Variants in STPG2 observed in about 807,000 individuals in gnomAD.
The protein encoded by STPG2 is sperm-tail PG-rich repeat-containing protein 2.
Under a neutral mutation model 54.2 loss-of-function variants are expected in STPG2, and 56 were observed. The observed-to-expected ratio is 1.03, with a 90% CI of 0.83 to 1.29. STPG2 has a LOEUF of 1.29. STPG2 is among the 50% of genes most tolerant of loss of function. The pLI, the probability that STPG2 is intolerant of heterozygous loss-of-function variation, is 0.00. For synonymous variants in STPG2, 200 were observed against 181.8 expected, an observed-to-expected ratio of 1.10 and a Z score of -0.81; for missense variants, 596 against 544.9, an observed-to-expected ratio of 1.09 and a Z score of -0.93.
chr4:97,910,939 C>G (rs769312190), intron 8 of STPG2, among the ~76,000 whole-genome samples: 1 of 152,174 alleles, frequency 6.6e-6, no homozygotes, highest in South Asian at 2.1e-4. Context: ...TCTACACCTT[C>G]AACTAAGGTA....
chr4:97,630,044 G>A (rs1721220252), intron 10 of STPG2, among the ~76,000 whole-genome samples: 2 of 151,846 alleles, frequency 1.3e-5, no homozygotes, highest in South Asian at 4.1e-4. Flanking sequence ...CCAGCTGTTA[G>A]GTTTATAATC....
intron 4 of STPG2, among the ~76,000 whole-genome samples, chr4:97,450,560 A>C (rs911244581): frequency 2.6e-5 from 4 of 152,216 alleles, no homozygotes; most frequent in Non-Finnish European, 5.9e-5. Flanking sequence ...GATAGGACTT[A>C]ATCAGGCAAC....
chr4:98,094,811 T>C (rs193034963), intron 5 of STPG2, among the ~76,000 whole-genome samples: 2 of 152,254 alleles, frequency 1.3e-5, no homozygotes, highest in South Asian at 2.1e-4. Context: ...CTTCATATTA[T>C]AGTTTGAGTG....
At chr4:98,026,478 T>C (rs949249016) in intron 5 of STPG2, among the ~76,000 whole-genome samples, 14 of 152,142 alleles carry the variant, frequency 9.2e-5, no homozygotes, top group Admixed American at 2.6e-4. Flanking sequence ...CAGATGGACA[T>C]TGTATGTCAT....
intron 10 of STPG2, among the ~76,000 whole-genome samples, chr4:97,703,017 C>T (rs924859251): frequency 1.3e-5 from 2 of 152,044 alleles, no homozygotes; most frequent in Non-Finnish European, 2.9e-5. Flanking sequence ...TCATCATTTT[C>T]TTTCATTACT....
intron 3 of STPG2, 117 bp downstream of exon 3, chr4:98,128,311 C>A: frequency 1.1e-6 from 1 of 948,966 alleles, no homozygotes; most frequent in East Asian, 2.9e-5. Context: ...ATTAGTGTTC[C>A]ATTAACTAAA....
At chr4:97,612,190 C>A (rs1733747405) in intron 10 of STPG2, among the ~76,000 whole-genome samples, 1 of 150,822 alleles carries the variant, frequency 6.6e-6, no homozygotes, top group African/African-American at 2.4e-5. Flanking sequence ...CATTATTTAT[C>A]CCATAATACC....
At chr4:97,852,229 T>A (rs895545642) in intron 8 of STPG2, among the ~76,000 whole-genome samples, 2 of 152,178 alleles carry the variant, frequency 1.3e-5, no homozygotes, top group Non-Finnish European at 1.5e-5. Flanking sequence ...ACAAGTAGGA[T>A]TCCAATCAAT....
At chr4:97,600,767 A>G (rs942388044) in intron 10 of STPG2, among the ~76,000 whole-genome samples, 1 of 152,146 alleles carries the variant, frequency 6.6e-6, no homozygotes, top group South Asian at 2.1e-4. Context: ...AGTTTTATAT[A>G]GACCGTTAAA....
chr4:97,846,038 A>G (rs960473616), intron 8 of STPG2, among the ~76,000 whole-genome samples: 1 of 152,184 alleles, frequency 6.6e-6, no homozygotes, highest in African/African-American at 2.4e-5. Context: ...GCCTGAACTC[A>G]GAGGAGCCTG....
Position 97,598,907 on chromosome 4 carries a change from C to CA in STPG2, c.1321-39791dup, listed in dbSNP as rs549163784. Among the ~76,000 whole-genome samples the CA allele has an allele frequency of 4.2e-3, 637 of 152,070 alleles. 5 individuals are homozygous for CA. Among genetic ancestry groups the CA allele is most frequent in the African/African-American group, 0.014 (591 of 41,502 alleles). ...ACACCAAAAGCAACTGCAACAACAA[C>CA]AACAAAAAAATGACAAATGGGACCT... On this transcript the variant is annotated intron_variant, in intron 10 of 10. Coordinates refer to ENST00000295268, the MANE Select transcript of STPG2 (RefSeq NM_174952.3).
chr4:97,906,861 G>A (rs371676661), intron 8 of STPG2, among the ~76,000 whole-genome samples: 16 of 151,740 alleles, frequency 1.1e-4, no homozygotes, highest in East Asian at 9.7e-4. Flanking sequence ...TTGATGGGAC[G>A]TATCTCAAAA....
chr4:97,915,776 A>G (rs1301898629), intron 8 of STPG2, among the ~76,000 whole-genome samples: 1 of 152,160 alleles, frequency 6.6e-6, no homozygotes, highest in Non-Finnish European at 1.5e-5. Context: ...TCATAATGAA[A>G]TGCTAGCTCA....
At position 98,135,302 on chromosome 4, in the gene STPG2, A is replaced by G. The variant is rs1175863799; in HGVS notation, c.110-843T>C. Among the ~76,000 whole-genome samples, 3 of 151,876 alleles carry G rather than the reference A, an allele frequency of 2.0e-5. No individual in the cohort carries two copies. In the East Asian group the frequency reaches 5.8e-4, roughly 29 times the overall value. Reference sequence around the variant, plus strand: ...ATCTTGCTAATCTGGACTAATAATAAAAGATACTCTATTTAAAATAAAATA... The same window carrying G: ...ATCTTGCTAATCTGGACTAATAATAGAAGATACTCTATTTAAAATAAAATA... On this transcript the variant is annotated intron_variant, in intron 1 of 10. Transcript: ENST00000295268.
intron 5 of STPG2, among the ~76,000 whole-genome samples, chr4:97,992,202 T>C (rs935945439): frequency 3.3e-5 from 5 of 152,160 alleles, no homozygotes; most frequent in African/African-American, 1.2e-4. Flanking sequence ...GTTTTTCCAA[T>C]GTTATCTTCT....
At position 98,128,459 on chromosome 4, in the gene STPG2, G is replaced by A. The variant is rs1475215280; in HGVS notation, c.356C>T (p.Thr119Ile). 6.2e-7 allele frequency: 1 copy of A among 1,612,338 alleles called. No homozygotes were observed. Among genetic ancestry groups the A allele is most frequent in the East Asian group, 2.2e-5 (1 of 44,788 alleles). ...IKCFPPACDS[T>I]LGPAYYKPQF... ...AGGTTTGTAGTATGCTGGACCAAGT[G>A]TACTGTCACAAGCAGGTGGAAAACA... The change falls in exon 3 of 11, where the codon ACA becomes ATA. Residue 119 changes from threonine to isoleucine, a missense_variant. By Grantham distance (89) the Thr-to-Ile change is moderately conservative. Coordinates refer to ENST00000295268, the MANE Select transcript of STPG2 (RefSeq NM_174952.3).
chr4:97,541,662 A>G (rs975855854), intron 4 of STPG2, among the ~76,000 whole-genome samples: 19 of 152,206 alleles, frequency 1.2e-4, no homozygotes, highest in Non-Finnish European at 2.2e-4. Context: ...TGCATTGCCA[A>G]GTCAACCCTA....
At chr4:97,742,586 T>C (rs1335492207) in intron 9 of STPG2, among the ~76,000 whole-genome samples, 4 of 147,944 alleles carry the variant, frequency 2.7e-5, no homozygotes, top group East Asian at 4.0e-4. Flanking sequence ...TATGGAATAC[T>C]ATCAGGTCTT....
intron 8 of STPG2, among the ~76,000 whole-genome samples, chr4:97,885,529 T>C (rs1730531026): frequency 1.3e-5 from 2 of 152,224 alleles, no homozygotes; most frequent in Admixed American, 6.5e-5. Context: ...GGATACCTAG[T>C]GTTTCAAAGC....
Sources: gnomAD v4.1 joint callset for allele counts (sites outside exome capture counted in the v4.1 genomes callset) on GRCh38, gnomAD v4.1.1 for gene constraint, MANE v1.5 for transcripts, NCBI Gene and HGNC (gene_info 2026-07-23, HGNC 2026-07-21) for gene names.